Variants in IVNS1ABP observed in about 807,000 individuals in gnomAD.
IVNS1ABP encodes the protein influenza virus NS1A-binding protein.
In IVNS1ABP, 25 loss-of-function variants were observed where a neutral mutation model predicts 78.9. That is an observed-to-expected ratio of 0.32 (90% CI 0.23 to 0.44). The LOEUF is 0.44. Among genes scored for constraint, IVNS1ABP ranks in the 20% least tolerant of loss-of-function variants. The pLI, the probability that IVNS1ABP is intolerant of heterozygous loss-of-function variation, is 1.00. For synonymous variants in IVNS1ABP, 241 were observed against 259.7 expected (o/e 0.93, Z 0.69); for missense variants, 494 against 768.9 (o/e 0.64, Z 4.23).
chr1:185,315,539 C>T (rs1296934498), intron 1 of IVNS1ABP, among the ~76,000 whole-genome samples: 2 of 152,176 alleles, frequency 1.3e-5, no homozygotes, highest in Non-Finnish European at 2.9e-5. Context: ...CCTCTGGCTA[C>T]CAAATTATAA....
At chr1:185,308,946 A>G (rs760250569) in intron 4 of IVNS1ABP, 57 bp downstream of exon 4, 5 of 1,579,408 alleles carry the variant, frequency 3.2e-6, no homozygotes, top group Non-Finnish European at 4.3e-6. Flanking sequence ...ATGTAGCAAG[A>G]CTTGGAATTT....
At chr1:185,314,124 G>A (rs1176578702) in intron 1 of IVNS1ABP, among the ~76,000 whole-genome samples, 1 of 152,138 alleles carries the variant, frequency 6.6e-6, no homozygotes, top group African/African-American at 2.4e-5. Flanking sequence ...ATTTTTAAAG[G>A]AAAGACTTTA....
rs559106326 is a variant in IVNS1ABP at position 185,311,169 on chromosome 1, C to A, written c.-93G>T. On this transcript the variant is annotated 5_prime_UTR_variant, in exon 2 of 15. Transcript: ENST00000367498. Reference sequence around the variant, plus strand: ...GGACAAAGGAGTGTTAAAAGGTGCACTTCGTCAGGGTATGAAGACAGGTGG... The same window carrying A: ...GGACAAAGGAGTGTTAAAAGGTGCAATTCGTCAGGGTATGAAGACAGGTGG... The A allele has an allele frequency of 2.6e-6, 1 of 384,532 alleles. No individual in the cohort carries two copies. The highest frequency in any genetic ancestry group is 2.1e-5 in the African/African-American group (1 of 48,304). The allele number at this position is 384,532 out of a possible 1,614,324, so 23.8% of individuals were successfully genotyped here. A position where few individuals can be genotyped will look rare whatever the true frequency, so the allele number is the denominator to read the frequency against.
rs573919018 is a variant in IVNS1ABP, at chr1:185,301,057, C to T, written c.1035G>A (p.Glu345=). The change falls in exon 10 of 15, where the codon GAG becomes GAA. Residue 345 remains glutamate (E), a synonymous_variant. Transcript: ENST00000367498. ...KSLSFEMQQD[E]LIEKPMSPMQ... is the part of the protein sequence containing the mutation. ...TAGGAGACATGGGCTTTTCGATTAG[C>T]TCATCTTGTTGCATCTCAAAGCTTA... 1 of 1,613,500 alleles carries T rather than the reference C, an allele frequency of 6.2e-7. No homozygotes were observed. The highest frequency in any genetic ancestry group is 2.2e-5 in the East Asian group (1 of 44,868).
rs905403549 is a variant in IVNS1ABP at position 185,301,189 on chromosome 1, A to G, written c.903T>C (p.Thr301=). The G allele has an allele frequency of 6.2e-7, 1 of 1,612,568 alleles. No individual in the cohort carries two copies. The highest frequency in any genetic ancestry group is 8.5e-7 in the Non-Finnish European group (1 of 1,178,956). Residue 301 remains threonine, a synonymous_variant, in exon 10 of 15, where the codon ACT becomes ACC. Coordinates refer to ENST00000367498, the MANE Select transcript of IVNS1ABP (RefSeq NM_006469.5). ...IVASEKTSNN[T]YLCLAVLDGI... is the part of the protein sequence containing the mutation. ...CATCCAGCACAGCCAGGCACAAGTAAGTGTTATCTGTAAGCACAAGAGTTC... is the reference window on the plus strand; with the variant it reads ...CATCCAGCACAGCCAGGCACAAGTAGGTGTTATCTGTAAGCACAAGAGTTC...
Position 185,297,960 on chromosome 1 carries a change from C to CT in IVNS1ABP, c.*74dup, listed in dbSNP as rs1665462873. 2.8e-6 allele frequency: 4 copies of CT among 1,452,110 alleles called. No individual in the cohort carries two copies. Among genetic ancestry groups the CT allele is most frequent in the Non-Finnish European group, 9.4e-7 (1 of 1,059,584 alleles). The allele number at this position is 1,452,110 out of a possible 1,614,324, so 90.0% of individuals were successfully genotyped here. On this transcript the variant is annotated 3_prime_UTR_variant, in exon 15 of 15. Transcript: ENST00000367498. Reference sequence around the variant, plus strand: ...AGCAACATCTATACCCACCCACCCTCTTTATTCACAAGTGTACCTCTACTA... The same window carrying CT: ...AGCAACATCTATACCCACCCACCCTCTTTTATTCACAAGTGTACCTCTACTA...
intron 5 of IVNS1ABP, chr1:185,307,953 A>G (rs1460720492): frequency 1.3e-6 from 2 of 1,546,754 alleles, no homozygotes; most frequent in Admixed American, 2.0e-5. Flanking sequence ...GAAACGCAGT[A>G]TCTGAACTGG....
intron 5 of IVNS1ABP, chr1:185,307,905 T>G (rs1366205381): frequency 4.6e-6 from 7 of 1,520,132 alleles, no homozygotes; most frequent in Non-Finnish European, 6.2e-6. Flanking sequence ...TAAGTTCACA[T>G]AAGTATTTTC....
intron 8 of IVNS1ABP, among the ~76,000 whole-genome samples, chr1:185,304,103 A>C (rs1034553410): frequency 5.9e-5 from 9 of 152,090 alleles, no homozygotes; most frequent in African/African-American, 1.9e-4. Flanking sequence ...AACACTGCTC[A>C]AAAGTTACCT....
chr1:185,306,083 C>A, intron 7 of IVNS1ABP: 1 of 171,744 alleles, frequency 5.8e-6, no homozygotes. Flanking sequence ...TCAAGAAAAA[C>A]AAAGAAAAAA....
intron 14 of IVNS1ABP, 63 bp downstream of exon 14, chr1:185,299,647 C>CA (rs751836902): frequency 1.7e-5 from 25 of 1,513,590 alleles, no homozygotes; most frequent in Non-Finnish European, 2.1e-5. Flanking sequence ...CCTTTTCTCT[C>CA]AGAGTTTTAG....
At chr1:185,309,559 T>C in intron 2 of IVNS1ABP, 48 bp from the exon 3 acceptor site, 11 of 894,996 alleles carry the variant, frequency 1.2e-5, no homozygotes, top group Admixed American at 1.9e-5. Flanking sequence ...AACTGATGGT[T>C]TTAAAAATAT....
At chr1:185,300,581 A>G in intron 10 of IVNS1ABP, 23 bp from the exon 11 acceptor site, 1 of 1,608,764 alleles carries the variant, frequency 6.2e-7, no homozygotes, top group East Asian at 2.2e-5. Context: ...AAAACCATAA[A>G]GATTTATGTT....
chr1:185,316,448 G>A (rs1047948403), intron 1 of IVNS1ABP, among the ~76,000 whole-genome samples: 2 of 152,170 alleles, frequency 1.3e-5, no homozygotes, highest in Admixed American at 1.3e-4. Context: ...GCCCGGGGCT[G>A]GCTGCCCGCC....
rs1370692095 is a variant in IVNS1ABP, at chr1:185,297,784, T to G, written c.*251A>C. 3 of 488,672 alleles carry G rather than the reference T, an allele frequency of 6.1e-6. No homozygotes were observed. Among genetic ancestry groups the G allele is most frequent in the Non-Finnish European group, 1.1e-5 (3 of 276,736 alleles). The allele number at this position is 488,672 out of a possible 1,614,324, so 30.3% of individuals were successfully genotyped here. A position where few individuals can be genotyped will look rare whatever the true frequency, so the allele number is the denominator to read the frequency against. ...TTGAAATGATGTGCCCAATCAATTC[T>G]TGGTTTATTCTTTTCCAAAAAGTAA... is the stretch of plus-strand genomic sequence containing the variant. On this transcript the variant is annotated 3_prime_UTR_variant, in exon 15 of 15. Transcript: ENST00000367498.
At chr1:185,311,956 T>C (rs1286945248) in intron 1 of IVNS1ABP, among the ~76,000 whole-genome samples, 1 of 152,236 alleles carries the variant, frequency 6.6e-6, no homozygotes, top group African/African-American at 2.4e-5. Flanking sequence ...GTCTGTTTCA[T>C]GCTGTATTTA....
intron 7 of IVNS1ABP, chr1:185,306,287 G>C: frequency 3.6e-6 from 1 of 278,802 alleles, no homozygotes; most frequent in Non-Finnish European, 6.7e-6. Flanking sequence ...AACTCCGAAA[G>C]GTTTAAGTGG....
In IVNS1ABP at chr1:185,299,713, T is replaced by G. The variant is rs781464742; in HGVS notation, c.1672A>C (p.Asn558His). ...CTCTCCAAATCCCAACACTCACCAT[T>G]AAGAACAGCCACTCCAGCTCCTCGC... ...ARRGAGVAVL[N>H]GKLFVCGGFD... The change falls in exon 14 of 15, where the codon AAT becomes CAT. Residue 558 changes from asparagine to histidine, a missense_variant. By Grantham distance (68) the Asn-to-His change is moderately conservative. Coordinates refer to ENST00000367498, the MANE Select transcript of IVNS1ABP (RefSeq NM_006469.5). 1.7e-5 allele frequency: 28 copies of G among 1,613,430 alleles called. No homozygotes were observed. The South Asian group carries it at 2.7e-4, about 16-fold the overall frequency.
intron 8 of IVNS1ABP, among the ~76,000 whole-genome samples, chr1:185,303,217 GAGAA>G (rs1220014630): frequency 2.0e-5 from 3 of 152,048 alleles, no homozygotes; most frequent in Admixed American, 1.3e-4. Context: ...GACTGTGAAA[GAGAA>G]AGGCCCAAAA....
Sources: gnomAD v4.1 joint callset for allele counts (sites outside exome capture counted in the v4.1 genomes callset) on GRCh38, gnomAD v4.1.1 for gene constraint, MANE v1.5 for transcripts, NCBI Gene and HGNC (gene_info 2026-07-23, HGNC 2026-07-21) for gene names.